Variants in TRPM6 observed in about 807,000 individuals in gnomAD.
TRPM6 encodes channel kinase 2.
A neutral mutation model predicts 247.6 loss-of-function variants in TRPM6; 111 were observed. The observed-to-expected ratio is 0.45, with a 90% CI of 0.38 to 0.52. The LOEUF (loss-of-function observed/expected upper bound fraction) is 0.52, where lower values mean the gene tolerates loss of function less well. Ranked by LOEUF, TRPM6 falls within the 20% of genes least tolerant of loss-of-function variation. TRPM6 has a pLI of 0.00. For missense variants in TRPM6, 2,126 were observed against 2,421.5 expected (o/e 0.88, Z 2.56); for synonymous variants, 892 against 853.8 (o/e 1.04, Z -0.78).
intron 38 of TRPM6, among the ~76,000 whole-genome samples, chr9:74,726,037 A>G (rs970901430): frequency 6.6e-6 from 1 of 152,356 alleles, no homozygotes; most frequent in South Asian, 2.1e-4. Flanking sequence ...TATGAAGGGA[A>G]ACGTAGTCAA....
At chr9:74,800,904 GTT>G (rs773826827) in intron 16 of TRPM6, among the ~76,000 whole-genome samples, 20 of 110,516 alleles carry the variant, frequency 1.8e-4, no homozygotes, top group East Asian at 7.1e-4. Context: ...AATAAAGTGT[GTT>G]TTTTTTTTTT....
chr9:74,814,647 G>T (rs893928694), intron 11 of TRPM6, among the ~76,000 whole-genome samples: 10 of 152,068 alleles, frequency 6.6e-5, no homozygotes, highest in Admixed American at 2.0e-4. Flanking sequence ...TACCAGAAAA[G>T]AAAAGCTTCA....
intron 31 of TRPM6, among the ~76,000 whole-genome samples, chr9:74,745,117 A>G (rs1192940200): frequency 6.6e-6 from 1 of 152,268 alleles, no homozygotes. Flanking sequence ...ATCACAATAC[A>G]GTTAAAGTAA....
At chr9:74,768,426 C>T (rs1180815782) in intron 25 of TRPM6, among the ~76,000 whole-genome samples, 1 of 152,178 alleles carries the variant, frequency 6.6e-6, no homozygotes, top group Non-Finnish European at 1.5e-5. Context: ...AAATGCTCCC[C>T]GGGGGCTTCA....
chr9:74,725,948 A>G (rs569552353), intron 38 of TRPM6, among the ~76,000 whole-genome samples: 23 of 152,264 alleles, frequency 1.5e-4, no homozygotes, highest in Non-Finnish European at 2.9e-4. Context: ...AAGCAGAATT[A>G]AAATGTTTGA....
intron 19 of TRPM6, among the ~76,000 whole-genome samples, chr9:74,789,799 A>G (rs1827831421): frequency 6.6e-6 from 1 of 151,998 alleles, no homozygotes; most frequent in African/African-American, 2.4e-5. Context: ...GTCTCTACTA[A>G]AAATACAAAA....
chr9:74,772,012 G>A (rs1827063516), intron 24 of TRPM6, among the ~76,000 whole-genome samples, 177 bp from the exon 25 acceptor site: 1 of 152,194 alleles, frequency 6.6e-6, no homozygotes, highest in South Asian at 2.1e-4. Context: ...CTGGGAGCTG[G>A]GCGCAGTGGT....
intron 21 of TRPM6, among the ~76,000 whole-genome samples, chr9:74,785,286 C>A (rs545091793): frequency 6.6e-6 from 1 of 152,100 alleles, no homozygotes. Context: ...CACAACATAG[C>A]ATCTTTACAA....
chr9:74,726,969 T>G (rs1825351133), intron 38 of TRPM6, among the ~76,000 whole-genome samples: 1 of 152,084 alleles, frequency 6.6e-6, no homozygotes, highest in Non-Finnish European at 1.5e-5. Context: ...TCCTGGCCAG[T>G]TGTGAGAGTT....
At position 74,769,054 on chromosome 9, in the gene TRPM6, A is replaced by G. The variant is rs967191034; in HGVS notation, c.3536+2649T>C. Among the ~76,000 whole-genome samples, 5 of 152,066 alleles carry G rather than the reference A, an allele frequency of 3.3e-5. No individual in the cohort carries two copies. The East Asian group carries it at 9.6e-4, about 29-fold the overall frequency. ...CTTAATAATAGATAACTTTCATTGT[A>G]CTCTTACTATGAGTCAGCACTCTGC... is the stretch of plus-strand genomic sequence containing the variant. On this transcript the variant is annotated intron_variant, in intron 25 of 38. Coordinates refer to ENST00000360774, the MANE Select transcript of TRPM6 (RefSeq NM_017662.5).
intron 31 of TRPM6, 42 bp downstream of exon 31, chr9:74,747,847 A>T (rs376594206): frequency 5.9e-6 from 9 of 1,521,608 alleles, no homozygotes; most frequent in Non-Finnish European, 7.2e-6. Flanking sequence ...CATTAAAAAG[A>T]TGAAAAAATA....
intron 36 of TRPM6, chr9:74,737,271 A>C: frequency 2.7e-6 from 2 of 733,558 alleles, no homozygotes; most frequent in Non-Finnish European, 3.8e-6. Context: ...CATTTAAAAA[A>C]TGCACTTATA....
At chr9:74,781,392 C>T (rs1052724029) in intron 23 of TRPM6, among the ~76,000 whole-genome samples, 3 of 151,582 alleles carry the variant, frequency 2.0e-5, no homozygotes, top group South Asian at 2.1e-4. Context: ...AAAAATTAGC[C>T]AGGCATGGTG....
chr9:74,859,593 T>C (rs909679372), intron 1 of TRPM6, among the ~76,000 whole-genome samples: 2 of 152,048 alleles, frequency 1.3e-5, no homozygotes, highest in African/African-American at 4.8e-5. Flanking sequence ...GCCATCATGG[T>C]GAAACCCCGT....
intron 1 of TRPM6, among the ~76,000 whole-genome samples, chr9:74,863,898 T>TTTA (rs1830767065): frequency 6.6e-6 from 1 of 151,336 alleles, no homozygotes; most frequent in South Asian, 2.1e-4. Flanking sequence ...CTTTTTTTTT[T>TTTA]TAAAAAAACA....
chr9:74,811,206 A>C (rs2117898329), intron 12 of TRPM6, among the ~76,000 whole-genome samples: 1 of 152,336 alleles, frequency 6.6e-6, no homozygotes, highest in South Asian at 2.1e-4. Context: ...TATTTATTGA[A>C]TACTTACTAT....
chr9:74,742,695 C>T (rs865941546), intron 32 of TRPM6, 69 bp from the exon 33 acceptor site: 3 of 1,294,528 alleles, frequency 2.3e-6, no homozygotes, highest in Non-Finnish European at 3.3e-6. Context: ...AGCCTCTCCA[C>T]ATCAATATAT....
chr9:74,827,445 G>A (rs1829376100), intron 7 of TRPM6, among the ~76,000 whole-genome samples: 1 of 152,136 alleles, frequency 6.6e-6, no homozygotes, highest in African/African-American at 2.4e-5. Flanking sequence ...CAGGTGATAA[G>A]TGAGCACCTT....
At chr9:74,732,551 G>A (rs1406834083) in intron 37 of TRPM6, 134 bp downstream of exon 37, 9 of 608,108 alleles carry the variant, frequency 1.5e-5, no homozygotes, top group Non-Finnish European at 2.6e-5. Flanking sequence ...ATTGTTTTTG[G>A]TCTATATACA....
Sources: gnomAD v4.1 joint callset for allele counts (sites outside exome capture counted in the v4.1 genomes callset) on GRCh38, gnomAD v4.1.1 for gene constraint, MANE v1.5 for transcripts, NCBI Gene and HGNC (gene_info 2026-07-23, HGNC 2026-07-21) for gene names.